The following PRKN variants were observed in gnomAD, a reference collection of about 807,000 sequenced individuals.
The protein encoded by PRKN is parkin RBR E3 ubiquitin protein ligase.
In PRKN, 56 loss-of-function variants were observed where a neutral mutation model predicts 59.5. That is an observed-to-expected ratio of 0.94 (90% confidence interval 0.76 to 1.18). PRKN has a LOEUF of 1.18. PRKN is among the 50% of genes most tolerant of loss of function. The pLI is 0.00. For missense variants in PRKN, 657 were observed against 596.4 expected, an observed-to-expected ratio of 1.10 and a Z score of -1.06; for synonymous variants, 250 against 222.1, an observed-to-expected ratio of 1.13 and a Z score of -1.12.
chr6:161,915,953 A>AC (rs1213819406), intron 6 of PRKN, among the ~76,000 whole-genome samples: 1 of 152,238 alleles, frequency 6.6e-6, no homozygotes, highest in Non-Finnish European at 1.5e-5. Context: ...CTGCGAGGCT[A>AC]CAGTTATGAC....
intron 4 of PRKN, among the ~76,000 whole-genome samples, chr6:162,094,765 C>T (rs1337387079): frequency 6.6e-6 from 1 of 152,138 alleles, no homozygotes; most frequent in East Asian, 1.9e-4. Context: ...TGTCCCACGA[C>T]TTAGTTTGCC....
At chr6:162,122,758 C>CTA (rs1049390497) in intron 4 of PRKN, among the ~76,000 whole-genome samples, 12 of 148,628 alleles carry the variant, frequency 8.1e-5, no homozygotes, top group African/African-American at 2.7e-4. Flanking sequence ...ATCTATCTAT[C>CTA]TCTGATATAT....
intron 2 of PRKN, among the ~76,000 whole-genome samples, chr6:162,374,687 C>A (rs979652354): frequency 1.3e-5 from 2 of 151,756 alleles, no homozygotes; most frequent in African/African-American, 4.8e-5. Flanking sequence ...ACTTGTTGAT[C>A]ACTTTTTGGA....
intron 9 of PRKN, among the ~76,000 whole-genome samples, chr6:161,464,002 G>A (rs1249263531): frequency 1.3e-5 from 2 of 151,910 alleles, no homozygotes; most frequent in African/African-American, 4.8e-5. Flanking sequence ...CGCTCTTGTT[G>A]CCCAGGCTGA....
chr6:162,044,634 T>C (rs2128282902), intron 5 of PRKN, among the ~76,000 whole-genome samples: 1 of 152,316 alleles, frequency 6.6e-6, no homozygotes, highest in Non-Finnish European at 1.5e-5. Flanking sequence ...TGGAGCTGAG[T>C]GGGCAGTCTG....
intron 7 of PRKN, among the ~76,000 whole-genome samples, chr6:161,619,974 CA>C: frequency 1.4e-5 from 2 of 141,698 alleles, no homozygotes; most frequent in Middle Eastern, 3.6e-3. Context: ...AATTGGTACA[CA>C]TTATTCTTTT....
intron 9 of PRKN, among the ~76,000 whole-genome samples, chr6:161,443,642 A>T (rs560095683): frequency 1.3e-5 from 2 of 152,208 alleles, no homozygotes; most frequent in Non-Finnish European, 2.9e-5. Context: ...ACTGCAATTT[A>T]TAAGAACAAT....
intron 7 of PRKN, among the ~76,000 whole-genome samples, chr6:161,702,255 A>G (rs1786283867): frequency 6.6e-6 from 1 of 152,196 alleles, no homozygotes; most frequent in Non-Finnish European, 1.5e-5. Flanking sequence ...AATTTTTAGG[A>G]CTTCAAAAAT....
intron 6 of PRKN, among the ~76,000 whole-genome samples, chr6:161,786,306 T>C (rs1027256832): frequency 1.8e-4 from 27 of 152,176 alleles, no homozygotes; most frequent in African/African-American, 6.5e-4. Flanking sequence ...TCCTTTCTCA[T>C]AGACTGTGAT....
At chr6:162,709,889 T>TG (rs1265545258) in intron 1 of PRKN, among the ~76,000 whole-genome samples, 1 of 98,606 alleles carries the variant, frequency 1.0e-5, no homozygotes, top group Non-Finnish European at 1.9e-5. Context: ...GCCTAGGAGG[T>TG]GGACAGTGGG....
rs369091981 is a variant in PRKN at position 162,698,736 on chromosome 6, T to A, written c.7+28926A>T. Reference sequence around the variant, plus strand: ...CTGCTTCTCTTCACAATCCAGTACCTTCAAGTAGTTGTTTTTGTGATATGT... The same window carrying A: ...CTGCTTCTCTTCACAATCCAGTACCATCAAGTAGTTGTTTTTGTGATATGT... On this transcript the variant is annotated intron_variant, in intron 1 of 11. Transcript: ENST00000366898. Among the ~76,000 whole-genome samples the A allele has an allele frequency of 1.2e-3, 178 of 152,340 alleles. 1 individual carries two copies. The highest frequency in any genetic ancestry group is 4.1e-3 in the African/African-American group (169 of 41,578).
intron 7 of PRKN, among the ~76,000 whole-genome samples, chr6:161,654,033 A>G (rs1305999812): frequency 1.1e-4 from 17 of 151,944 alleles, no homozygotes; most frequent in Non-Finnish European, 5.9e-5. Flanking sequence ...GGATCTTGCC[A>G]TGTTGTTGAG....
At chr6:161,665,872 C>G (rs540005708) in intron 7 of PRKN, among the ~76,000 whole-genome samples, 2 of 152,144 alleles carry the variant, frequency 1.3e-5, no homozygotes, top group Non-Finnish European at 2.9e-5. Context: ...ACCACTGATG[C>G]GGAATATTAG....
At position 161,759,124 on chromosome 6, in the gene PRKN, C is replaced by G. The variant is rs188045437; in HGVS notation, c.871+26648G>C. 6.7e-4 allele frequency among the ~76,000 whole-genome samples: 101 copies of G among 151,724 alleles called. 1 individual carries two copies. The highest frequency in any genetic ancestry group is 6.3e-4 in the South Asian group (3 of 4,800). The stretch of plus-strand genomic sequence containing the variant: ...CTCCAGAGGCAGAGGTTGCAGTGAG[C>G]TGAGATTGCACCACTGCATTCCAGC... On this transcript the variant is annotated intron_variant, in intron 7 of 11. Transcript: ENST00000366898.
At chr6:162,264,708 TCTGACCTGAAGTGCTCCCCTGCATGA>T (rs1356553951) in intron 2 of PRKN, 1 of 152,300 alleles carries the variant, frequency 6.6e-6, no homozygotes, top group Non-Finnish European at 1.5e-5. Flanking sequence ...TGCATCATTC[TCTGACCTGAAGTGCTCCCCTGCATGA>T]CTTCCCAGTT....
intron 7 of PRKN, among the ~76,000 whole-genome samples, chr6:161,682,974 C>G (rs1473167620): frequency 6.6e-6 from 1 of 152,178 alleles, no homozygotes; most frequent in Non-Finnish European, 1.5e-5. Context: ...CTGTAAGATA[C>G]AGGTGTTTTC....
intron 2 of PRKN, among the ~76,000 whole-genome samples, chr6:162,279,457 CAAAG>C (rs1360681146): frequency 5.3e-5 from 8 of 150,906 alleles, no homozygotes; most frequent in African/African-American, 1.2e-4. Context: ...GAGACAGAAA[CAAAG>C]AGAGAAGAGA....
intron 6 of PRKN, among the ~76,000 whole-genome samples, chr6:161,812,757 G>T (rs1791614839): frequency 6.6e-6 from 1 of 152,168 alleles, no homozygotes; most frequent in Non-Finnish European, 1.5e-5. Flanking sequence ...AGGATATAGA[G>T]AAACTAAAGC....
chr6:162,505,743 A>G (rs1793580804), intron 1 of PRKN, among the ~76,000 whole-genome samples: 2 of 152,214 alleles, frequency 1.3e-5, no homozygotes, highest in Non-Finnish European at 2.9e-5. Context: ...AAATGTACCC[A>G]TAATATGTGA....
Sources: allele counts gnomAD v4.1 joint callset (sites outside exome capture counted in the v4.1 genomes callset), GRCh38; gene constraint gnomAD v4.1.1; transcripts MANE v1.5; gene names NCBI Gene and HGNC (gene_info 2026-07-23, HGNC 2026-07-21).